SEPTIN2: variants seen among roughly 807,000 people sequenced by gnomAD.
SEPTIN2 encodes septin 2.
In SEPTIN2, 34 loss-of-function variants were observed where a neutral mutation model predicts 46.5. The observed-to-expected ratio is 0.73, with a 90% CI of 0.56 to 0.97. SEPTIN2 has a LOEUF of 0.97. SEPTIN2 is among the 50% of genes least tolerant of loss of function. SEPTIN2 has a pLI of 0.00. For synonymous variants in SEPTIN2, 175 were observed against 153.4 expected, an observed-to-expected ratio of 1.14 and a Z score of -1.04; for missense variants, 347 against 448.4, an observed-to-expected ratio of 0.77 and a Z score of 2.04.
chr2:241,324,261 A>C lies in SEPTIN2; in HGVS notation c.9+20A>C. ...TCTAAGGTAAGATCATACTTCATGT[A>C]TCTACAGCATAAGGAGAAATTGCTT... On this transcript the variant is annotated intron_variant, in intron 2 of 12. Coordinates refer to ENST00000391971, the MANE Select transcript of SEPTIN2 (RefSeq NM_004404.5). 6.2e-7 allele frequency: 1 copy of C among 1,601,870 alleles called. No individual in the cohort carries two copies. The highest frequency in any genetic ancestry group is 8.5e-7 in the Non-Finnish European group (1 of 1,173,342).
chr2:241,341,943 G>A (rs2081305182), intron 7 of SEPTIN2, among the ~76,000 whole-genome samples: 1 of 152,146 alleles, frequency 6.6e-6, no homozygotes, highest in South Asian at 2.1e-4. Context: ...ATTGACTGAT[G>A]AATGCATTCG....
At chr2:241,348,212 G>A (rs2150200893) in intron 11 of SEPTIN2, 21 bp downstream of exon 11, 1 of 1,579,006 alleles carries the variant, frequency 6.3e-7, no homozygotes, top group Admixed American at 1.7e-5. Flanking sequence ...AAGTACTATT[G>A]GTTGGTTGGT....
Position 241,353,478 on chromosome 2 carries a change from G to A in SEPTIN2, c.*1541G>A, listed in dbSNP as rs2060923448. ...AGACAGGGTTTTTTCATTTTTGTGG[G>A]GGCTAGAAAAAACATAAAATGAGGC... On this transcript the variant is annotated 3_prime_UTR_variant, in exon 13 of 13. Coordinates refer to ENST00000391971, the MANE Select transcript of SEPTIN2 (RefSeq NM_004404.5). 3.3e-5 allele frequency: 5 copies of A among 152,162 alleles called. 1 individual carries two copies. In the South Asian group the frequency reaches 1.0e-3, roughly 32 times the overall value. 9.4% of individuals were successfully genotyped at this position (152,162 alleles called of 1,614,324 possible). A position where few individuals can be genotyped will look rare whatever the true frequency, so the allele number is the denominator to read the frequency against.
At position 241,337,719 on chromosome 2, in the gene SEPTIN2, G is replaced by C; in HGVS notation, c.523G>C (p.Val175Leu). 3 of 1,614,014 alleles carry C rather than the reference G, an allele frequency of 1.9e-6. No individual in the cohort carries two copies. Among genetic ancestry groups the C allele is most frequent in the Non-Finnish European group, 2.5e-6 (3 of 1,179,980 alleles). The change falls in exon 7 of 13, where the codon GTG (valine) becomes CTG (leucine). Residue 175 changes from valine (V) to leucine (L), a missense_variant. Coordinates refer to ENST00000391971, the MANE Select transcript of SEPTIN2 (RefSeq NM_004404.5). Reference sequence around the variant, plus strand: ...GTTTATGAAGGCAATACACAACAAGGTGAATATTGTGCCTGTCATTGCAAA... The same window carrying C: ...GTTTATGAAGGCAATACACAACAAGCTGAATATTGTGCCTGTCATTGCAAA... ...VAFMKAIHNK[V>L]NIVPVIAKAD... is the part of the protein sequence containing the mutation.
chr2:241,326,987 GC>G (rs1251626999), intron 3 of SEPTIN2, among the ~76,000 whole-genome samples: 1 of 146,640 alleles, frequency 6.8e-6, no homozygotes, highest in Non-Finnish European at 1.5e-5. Context: ...GGTTGAGGCT[GC>G]AGTAAGCTGA....
At chr2:241,338,702 T>TATTATTTATATAATATATATA (rs1244334408) in intron 7 of SEPTIN2, among the ~76,000 whole-genome samples, 1 of 107,046 alleles carries the variant, frequency 9.3e-6, no homozygotes, top group Non-Finnish European at 1.8e-5. Flanking sequence ...ATATATTATA[T>TATTATTTATATAATATATATA]TTATATTATT....
chr2:241,351,386 C>G (rs977004009), intron 12 of SEPTIN2: 5 of 152,236 alleles, frequency 3.3e-5, no homozygotes, highest in Non-Finnish European at 7.3e-5. Flanking sequence ...ACATCCATGT[C>G]ACCCCCAACT....
In SEPTIN2 at chr2:241,337,741, C is replaced by G. The variant is rs780976194; in HGVS notation, c.545C>G (p.Ala182Gly). 2 of 1,613,888 alleles carry G rather than the reference C, an allele frequency of 1.2e-6. No individual in the cohort carries two copies. The highest frequency in any genetic ancestry group is 1.7e-6 in the Non-Finnish European group (2 of 1,180,002). ...AAGGTGAATATTGTGCCTGTCATTG[C>G]AAAAGCTGACACTCTCACCCTGAAG... ...HNKVNIVPVIAKADTLTLKER... is the reference protein window; with the variant it reads ...HNKVNIVPVIGKADTLTLKER... The change falls in exon 7 of 13, where the codon GCA becomes GGA. Residue 182 changes from alanine to glycine, a missense_variant. Coordinates refer to ENST00000391971, the MANE Select transcript of SEPTIN2 (RefSeq NM_004404.5).
chr2:241,342,745 C>T (rs1323991406), intron 7 of SEPTIN2, among the ~76,000 whole-genome samples: 1 of 151,896 alleles, frequency 6.6e-6, no homozygotes, highest in Non-Finnish European at 1.5e-5. Flanking sequence ...ACCATGTTAG[C>T]CAGGATGGTC....
chr2:241,340,721 G>T (rs2081138141), intron 7 of SEPTIN2, among the ~76,000 whole-genome samples: 1 of 152,154 alleles, frequency 6.6e-6, no homozygotes, highest in South Asian at 2.1e-4. Flanking sequence ...CATCTGAGAT[G>T]AATCGAAATA....
At position 241,350,422 on chromosome 2, in the gene SEPTIN2, T is replaced by C. The variant is rs868663059; in HGVS notation, c.*29+219T>C. ...TTTTCATATTTTTGTCTCTTCTTTTTTTTTTAAATAATTTCAACTTTTATT... is the reference window on the plus strand; with the variant it reads ...TTTTCATATTTTTGTCTCTTCTTTTCTTTTTAAATAATTTCAACTTTTATT... On this transcript the variant is annotated intron_variant, in intron 12 of 12. Coordinates refer to ENST00000391971, the MANE Select transcript of SEPTIN2 (RefSeq NM_004404.5). 3.9e-5 allele frequency among the ~76,000 whole-genome samples: 6 copies of C among 152,246 alleles called. No homozygotes were observed. In the South Asian group the frequency reaches 6.2e-4, roughly 16 times the overall value.
At chr2:241,342,892 T>G in intron 7 of SEPTIN2, 100 bp from the exon 8 acceptor site, 1 of 674,034 alleles carries the variant, frequency 1.5e-6, no homozygotes, top group Non-Finnish European at 2.6e-6. Flanking sequence ...TTATTGACAT[T>G]TGTATGATTT....
chr2:241,353,121 T>C lies in SEPTIN2; in HGVS notation c.*1184T>C, dbSNP rs751993757. ...GGGAGGAAAGTAGCAGTCATCATCT[T>C]TTTGTGTGCAGGCTGTCTCATTTAT... On this transcript the variant is annotated 3_prime_UTR_variant, in exon 13 of 13. Coordinates refer to ENST00000391971, the MANE Select transcript of SEPTIN2 (RefSeq NM_004404.5). The C allele has an allele frequency of 6.6e-6, 1 of 152,250 alleles. No individual in the cohort carries two copies. Among genetic ancestry groups the C allele is most frequent in the Non-Finnish European group, 1.5e-5 (1 of 68,044 alleles). 9.4% of individuals were successfully genotyped at this position (152,250 alleles called of 1,614,324 possible).
chr2:241,353,200 C>T lies in SEPTIN2; in HGVS notation c.*1263C>T, dbSNP rs887444686. 6.6e-6 allele frequency: 1 copy of T among 152,202 alleles called. No individual in the cohort carries two copies. Among genetic ancestry groups the T allele is most frequent in the Non-Finnish European group, 1.5e-5 (1 of 68,052 alleles). The allele number at this position is 152,202 out of a possible 1,614,324, so 9.4% of individuals were successfully genotyped here. A position where few individuals can be genotyped will look rare whatever the true frequency, so the allele number is the denominator to read the frequency against. ...GTGTAATATAAACCGTGTGTCATGT[C>T]AAAGTGAAAGACATTTCAAATCTGT... On this transcript the variant is annotated 3_prime_UTR_variant, in exon 13 of 13. Transcript: ENST00000391971.
intron 1 of SEPTIN2, among the ~76,000 whole-genome samples, chr2:241,320,996 G>GGGAGTTACTT (rs1158542845): frequency 1.4e-4 from 21 of 152,158 alleles, no homozygotes; most frequent in Admixed American, 3.3e-4. Context: ...ACAAATTACT[G>GGGAGTTACTT]GGAGTTACTT....
intron 1 of SEPTIN2, chr2:241,317,658 C>G (rs1446181050): frequency 1.5e-6 from 1 of 654,784 alleles, no homozygotes; most frequent in Non-Finnish European, 1.9e-6. Context: ...TATCCCTGCC[C>G]CAGTCCCTGT....
chr2:241,349,412 ATATT>A (rs1478535371), intron 11 of SEPTIN2, among the ~76,000 whole-genome samples: 3 of 151,052 alleles, frequency 2.0e-5, no homozygotes, highest in African/African-American at 4.9e-5. Context: ...GTATGTATAT[ATATT>A]ATTTTTATTG....
chr2:241,339,491 T>A (rs1427513701), intron 7 of SEPTIN2, among the ~76,000 whole-genome samples: 1 of 152,166 alleles, frequency 6.6e-6, no homozygotes, highest in Non-Finnish European at 1.5e-5. Context: ...ATAGTAATAC[T>A]ATTCTGCCAT....
At position 241,341,569 on chromosome 2, in the gene SEPTIN2, A is replaced by T. The variant is rs112435231; in HGVS notation, c.595-1423A>T. 2.6e-3 allele frequency among the ~76,000 whole-genome samples: 396 copies of T among 152,328 alleles called. 2 individuals carry two copies. Among genetic ancestry groups the T allele is most frequent in the African/African-American group, 8.9e-3 (370 of 41,568 alleles). On this transcript the variant is annotated intron_variant, in intron 7 of 12. Transcript: ENST00000391971. ...TATTGCTCAGTTTCTCCCAGAGATA[A>T]GATGGTTCCTCCCATTTAGGAATAA... is the stretch of plus-strand genomic sequence containing the variant.
Sources: allele counts gnomAD v4.1 joint callset (sites outside exome capture counted in the v4.1 genomes callset), GRCh38; gene constraint gnomAD v4.1.1; transcripts MANE v1.5; gene names NCBI Gene and HGNC (gene_info 2026-07-23, HGNC 2026-07-21).